Variants in AFDN observed in about 807,000 individuals in gnomAD.
AFDN encodes afadin, adherens junction formation factor.
AFDN carries 68 observed loss-of-function variants against 216.6 expected under a neutral mutation model. The observed-to-expected ratio is 0.31, with a 90% CI of 0.26 to 0.38. The LOEUF is 0.38. AFDN is among the 10% of genes least tolerant of loss of function. The pLI, the probability that AFDN is intolerant of heterozygous loss-of-function variation, is 1.00. For synonymous variants in AFDN, 868 were observed against 853.7 expected (o/e 1.02, Z -0.29); for missense variants, 2,136 against 2,342.0 (o/e 0.91, Z 1.82).
chr6:167,826,778 C>G (rs1779091427), upstream of AFDN: 1 of 344,154 alleles, frequency 2.9e-6, no homozygotes. Flanking sequence ...GCGGCCGCGG[C>G]AGCAGCACCT....
intron 1 of AFDN, among the ~76,000 whole-genome samples, chr6:167,828,737 T>A (rs1779496872): frequency 6.6e-6 from 1 of 151,874 alleles, no homozygotes; most frequent in Non-Finnish European, 1.5e-5. Flanking sequence ...CATAAAACAT[T>A]TTCTTGGTGT....
chr6:167,874,557 G>T (rs1785129842), intron 4 of AFDN, among the ~76,000 whole-genome samples: 1 of 145,236 alleles, frequency 6.9e-6, no homozygotes, highest in Non-Finnish European at 1.5e-5. Flanking sequence ...TCTTTTAGGT[G>T]TTAAAAAAAA....
chr6:167,893,947 A>G (rs779690308), intron 9 of AFDN, 41 bp downstream of exon 9: 4 of 1,435,230 alleles, frequency 2.8e-6, no homozygotes, highest in Admixed American at 1.9e-5. Flanking sequence ...CTAAAGCACT[A>G]ATAGAACCTC....
chr6:167,873,687 G>A (rs9455918), intron 4 of AFDN, among the ~76,000 whole-genome samples: 45,981 of 152,092 alleles, frequency 0.3, 8,002 homozygotes, highest in East Asian at 0.6. Context: ...CAACTCTTAG[G>A]TGTCACAGAA....
At chr6:167,856,767 G>A (rs1309912900) in intron 1 of AFDN, among the ~76,000 whole-genome samples, 2 of 151,974 alleles carry the variant, frequency 1.3e-5, no homozygotes, top group Non-Finnish European at 2.9e-5. Flanking sequence ...TACCAGACAA[G>A]GCTAAAACAG....
intron 23 of AFDN, among the ~76,000 whole-genome samples, chr6:167,936,315 G>A (rs1793994025): frequency 6.6e-6 from 1 of 152,152 alleles, no homozygotes; most frequent in Admixed American, 6.5e-5. Flanking sequence ...ACACTTGAAT[G>A]TTCTACATGC....
chr6:167,913,472 TTC>T, intron 16 of AFDN, 49 bp downstream of exon 16: 1 of 1,511,370 alleles, frequency 6.6e-7, no homozygotes, highest in Non-Finnish European at 8.9e-7. Flanking sequence ...TTAGCCAAGT[TTC>T]TCATGCTGCT....
Position 167,969,105 on chromosome 6 carries a change from A to G in AFDN, c.5258-9A>G. ...TACTTTAACTTGTACTGTTTCTTTC[A>G]TGGAAAAGGACCAAACTCTTACCCA... On this transcript the variant is annotated splice_polypyrimidine_tract_variant and intron_variant, in intron 32 of 33. Transcript: ENST00000683244. 1 of 1,607,458 alleles carries G rather than the reference A, an allele frequency of 6.2e-7. No individual in the cohort carries two copies. Among genetic ancestry groups the G allele is most frequent in the Non-Finnish European group, 8.5e-7 (1 of 1,174,010 alleles).
rs755084938 is a variant in AFDN at position 167,951,969 on chromosome 6, A to T, written c.4615A>T (p.Ile1539Phe). 2 of 1,614,196 alleles carry T rather than the reference A, an allele frequency of 1.2e-6. No individual in the cohort carries two copies. Among genetic ancestry groups the T allele is most frequent in the East Asian group, 4.5e-5 (2 of 44,866 alleles). The change falls in exon 30 of 34, where the codon ATC (isoleucine) becomes TTC (phenylalanine). Residue 1539 changes from isoleucine to phenylalanine, a missense_variant. Physicochemically the swap from Ile to Phe is conservative, Grantham distance 21 (BLOSUM62 0). Around this residue, in one of 8 missense-constraint regions of AFDN, gnomAD observed 981 missense variants for 966.0 expected, o/e 1.02. Transcript: ENST00000683244. The surrounding 1 kb of genome is among the most constrained non-coding windows in gnomAD (Gnocchi z 7.1). ...EKLEKQQQMH[I>F]VDMLSKEIQE... is the part of the protein sequence containing the mutation. ...GCTGGAGAAGCAGCAGCAGATGCACATCGTGGACATGCTGAGCAAGGAGAT... is the reference window on the plus strand; with the variant it reads ...GCTGGAGAAGCAGCAGCAGATGCACTTCGTGGACATGCTGAGCAAGGAGAT...
At chr6:167,936,886 A>C (rs1468635930) in intron 23 of AFDN, among the ~76,000 whole-genome samples, 2 of 152,170 alleles carry the variant, frequency 1.3e-5, no homozygotes, top group Admixed American at 6.5e-5. Flanking sequence ...ACAAATAGAC[A>C]TTTCCTAGAG....
At chr6:167,904,914 A>C (rs996678915) in intron 12 of AFDN, among the ~76,000 whole-genome samples, 1 of 152,054 alleles carries the variant, frequency 6.6e-6, no homozygotes, top group African/African-American at 2.4e-5. Flanking sequence ...CCCAACCCAT[A>C]TATCAGTCTT....
intron 9 of AFDN, among the ~76,000 whole-genome samples, chr6:167,896,166 A>G (rs1788218549): frequency 6.6e-6 from 1 of 151,818 alleles, no homozygotes; most frequent in Non-Finnish European, 1.5e-5. Context: ...CTTCCCTGTC[A>G]TGGAAACACA....
chr6:167,829,224 G>T (rs182569508), intron 1 of AFDN, among the ~76,000 whole-genome samples: 169 of 152,040 alleles, frequency 1.1e-3, no homozygotes, highest in Non-Finnish European at 1.1e-3. Context: ...TCCATATATT[G>T]GTTTTTTAGC....
intron 24 of AFDN, 81 bp downstream of exon 24, chr6:167,943,275 T>C: frequency 1.4e-6 from 2 of 1,440,612 alleles, no homozygotes; most frequent in Non-Finnish European, 2.0e-6. Flanking sequence ...CTGATACTTC[T>C]AGTTATGTAG....
intron 11 of AFDN, 44 bp downstream of exon 11, chr6:167,898,511 T>A: frequency 6.4e-7 from 1 of 1,555,832 alleles, no homozygotes; most frequent in South Asian, 1.2e-5. Context: ...TGATTATACT[T>A]AAAGTAGTTC....
chr6:167,871,455 A>G (rs150084764), intron 3 of AFDN, among the ~76,000 whole-genome samples: 46 of 152,354 alleles, frequency 3.0e-4, no homozygotes, highest in African/African-American at 8.9e-4. Flanking sequence ...CCAAGTATCT[A>G]TGAATCAAAT....
chr6:167,922,203 C>T lies in AFDN; in HGVS notation c.2909-653C>T, dbSNP rs1316699059. 2.6e-5 allele frequency among the ~76,000 whole-genome samples: 4 copies of T among 152,274 alleles called. No homozygotes were observed. In the East Asian group the frequency reaches 5.8e-4, roughly 22 times the overall value. The stretch of plus-strand genomic sequence containing the variant: ...AGGATTTGACTAAATGAGGAATGAC[C>T]TAGTTTGAATTGAAAGGCTTACTTT... On this transcript the variant is annotated intron_variant, in intron 21 of 33. Transcript: ENST00000683244.
At chr6:167,851,883 A>T (rs1043941017) in intron 1 of AFDN, among the ~76,000 whole-genome samples, 1 of 152,212 alleles carries the variant, frequency 6.6e-6, no homozygotes, top group African/African-American at 2.4e-5. Flanking sequence ...CATTTTTAAA[A>T]AAAACAGGTT....
intron 22 of AFDN, among the ~76,000 whole-genome samples, chr6:167,923,805 A>C (rs1792137821): frequency 6.6e-6 from 1 of 151,858 alleles, no homozygotes; most frequent in South Asian, 2.1e-4. Context: ...TTGAATTTTT[A>C]GTAGAGACGG....
Sources: gnomAD v4.1 joint callset for allele counts (sites outside exome capture counted in the v4.1 genomes callset) on GRCh38, gnomAD v4.1.1 for gene constraint, gnomAD v4.1.1 regional missense constraint, Gnocchi (gnomAD v3.1) non-coding constraint, MANE v1.5 for transcripts, NCBI Gene and HGNC (gene_info 2026-07-23, HGNC 2026-07-21) for gene names.